The following STXBP5L variants were observed in gnomAD, a reference collection of about 807,000 sequenced individuals.
The protein encoded by STXBP5L is syntaxin binding protein 5L.
In STXBP5L, 65 loss-of-function variants were observed where a neutral mutation model predicts 144.5. The ratio of observed to expected loss-of-function variants is 0.45; its 90% CI spans 0.37 to 0.55. The LOEUF is 0.55. Ranked by LOEUF, STXBP5L falls within the 20% of genes least tolerant of loss-of-function variation. The pLI, the probability that STXBP5L is intolerant of heterozygous loss-of-function variation, is 0.00. For missense variants in STXBP5L, 1,298 were observed against 1,405.5 expected, an observed-to-expected ratio of 0.92 and a Z score of 1.22; for synonymous variants, 505 against 469.6, an observed-to-expected ratio of 1.08 and a Z score of -0.97.
At chr3:121,053,414 A>ACAGAG (rs1398093863) in intron 5 of STXBP5L, among the ~76,000 whole-genome samples, 2 of 152,198 alleles carry the variant, frequency 1.3e-5, no homozygotes, top group Admixed American at 6.6e-5. Context: ...ATGGAACAGA[A>ACAGAG]CAGAGCCCTC....
intron 2 of STXBP5L, among the ~76,000 whole-genome samples, chr3:120,913,124 C>A (rs374949461): frequency 2.4e-4 from 37 of 151,822 alleles, no homozygotes; most frequent in African/African-American, 8.9e-4. Flanking sequence ...CTGGCATATA[C>A]CTATAGTGTG....
chr3:121,369,844 G>A (rs761091723), intron 20 of STXBP5L, among the ~76,000 whole-genome samples: 2 of 152,116 alleles, frequency 1.3e-5, no homozygotes, highest in African/African-American at 4.8e-5. Context: ...GGTCTTCTTT[G>A]CTGGGTTTCT....
chr3:121,356,152 G>A (rs747460800), intron 20 of STXBP5L, among the ~76,000 whole-genome samples: 12 of 152,364 alleles, frequency 7.9e-5, no homozygotes, highest in South Asian at 2.1e-4. Flanking sequence ...AGGTGTCAGC[G>A]ACACACTTAG....
chr3:121,252,509 T>C (rs1266172919), intron 15 of STXBP5L, among the ~76,000 whole-genome samples: 1 of 152,224 alleles, frequency 6.6e-6, no homozygotes, highest in Non-Finnish European at 1.5e-5. Context: ...AAATATTTTA[T>C]CACATTTAGA....
At chr3:121,212,770 G>A (rs908295712) in intron 10 of STXBP5L, among the ~76,000 whole-genome samples, 1 of 152,034 alleles carries the variant, frequency 6.6e-6, no homozygotes, top group Admixed American at 6.6e-5. Flanking sequence ...GGTAGCTTGA[G>A]GGGGATAGCA....
intron 3 of STXBP5L, among the ~76,000 whole-genome samples, chr3:120,981,975 C>A (rs1159347319): frequency 1.3e-5 from 2 of 152,156 alleles, no homozygotes; most frequent in African/African-American, 4.8e-5. Context: ...CAGTGGCTTT[C>A]TTAAATGCCA....
At chr3:121,315,751 C>T (rs2043763167) in intron 19 of STXBP5L, among the ~76,000 whole-genome samples, 1 of 151,982 alleles carries the variant, frequency 6.6e-6, no homozygotes, top group Non-Finnish European at 1.5e-5. Flanking sequence ...CTTATAATCC[C>T]AGCACTTTGG....
chr3:120,966,097 C>G (rs2107768137), intron 3 of STXBP5L, among the ~76,000 whole-genome samples: 1 of 152,254 alleles, frequency 6.6e-6, no homozygotes, highest in Middle Eastern at 3.4e-3. Flanking sequence ...GCATGCGTCA[C>G]AAAGTTCTTG....
At chr3:121,250,393 T>C (rs983065202) in intron 14 of STXBP5L, among the ~76,000 whole-genome samples, 1 of 152,042 alleles carries the variant, frequency 6.6e-6, no homozygotes, top group African/African-American at 2.4e-5. Context: ...AAATTATCTA[T>C]CCTTTTATTG....
chr3:120,993,037 G>A (rs1943053449), intron 3 of STXBP5L, among the ~76,000 whole-genome samples: 1 of 152,020 alleles, frequency 6.6e-6, no homozygotes, highest in African/African-American at 2.4e-5. Context: ...TGATTTGCAT[G>A]TATCTGATGT....
chr3:121,185,775 A>T (rs2047353629), intron 9 of STXBP5L, among the ~76,000 whole-genome samples: 1 of 152,106 alleles, frequency 6.6e-6, no homozygotes, highest in Admixed American at 6.6e-5. Context: ...TCTCTTGGCA[A>T]TGTGGGCCCT....
intron 2 of STXBP5L, among the ~76,000 whole-genome samples, chr3:120,936,089 A>G: frequency 6.6e-6 from 1 of 151,780 alleles, no homozygotes; most frequent in East Asian, 1.9e-4. Flanking sequence ...TTTCTATTGA[A>G]TTTTCTTCAA....
At chr3:121,119,315 C>T (rs2044359839) in intron 6 of STXBP5L, among the ~76,000 whole-genome samples, 1 of 151,324 alleles carries the variant, frequency 6.6e-6, no homozygotes, top group South Asian at 2.1e-4. Context: ...AGTTCTTATT[C>T]AGCCTATTTA....
chr3:120,920,317 A>C (rs895434575), intron 2 of STXBP5L, among the ~76,000 whole-genome samples: 1 of 147,880 alleles, frequency 6.8e-6, no homozygotes, highest in Non-Finnish European at 1.5e-5. Context: ...TTTTTTTTTG[A>C]AAAATGATTT....
At chr3:120,965,104 T>C (rs760014732) in intron 3 of STXBP5L, among the ~76,000 whole-genome samples, 1 of 152,158 alleles carries the variant, frequency 6.6e-6, no homozygotes, top group Non-Finnish European at 1.5e-5. Context: ...CCCTGGTTTT[T>C]TTTGCTTGTT....
At chr3:121,004,034 C>A (rs887327338) in intron 3 of STXBP5L, among the ~76,000 whole-genome samples, 5 of 152,112 alleles carry the variant, frequency 3.3e-5, no homozygotes, top group East Asian at 1.9e-4. Flanking sequence ...GCAATGCAGG[C>A]TCTTTTTTGG....
intron 2 of STXBP5L, among the ~76,000 whole-genome samples, chr3:120,938,010 G>GT (rs949462655): frequency 1.8e-4 from 27 of 151,438 alleles, no homozygotes; most frequent in South Asian, 8.4e-4. Context: ...TCTTTTAAAA[G>GT]TTTTTTTTTA....
chr3:121,412,418 A>G (rs1340908947), intron 23 of STXBP5L, among the ~76,000 whole-genome samples: 1 of 152,136 alleles, frequency 6.6e-6, no homozygotes, highest in Non-Finnish European at 1.5e-5. Context: ...TGCTACCTTC[A>G]GGGCAGAAGA....
At chr3:120,938,394 A>G (rs1710379994) in intron 2 of STXBP5L, among the ~76,000 whole-genome samples, 1 of 152,190 alleles carries the variant, frequency 6.6e-6, no homozygotes, top group Non-Finnish European at 1.5e-5. Context: ...GTGCATCTTT[A>G]TATACTTAGA....
Sources: allele counts gnomAD v4.1 joint callset (sites outside exome capture counted in the v4.1 genomes callset), GRCh38; gene constraint gnomAD v4.1.1; transcripts MANE v1.5; gene names NCBI Gene and HGNC (gene_info 2026-07-23, HGNC 2026-07-21).